The following ZBP1 variants were observed in gnomAD, a reference collection of about 807,000 sequenced individuals.
The protein encoded by ZBP1 is Z-DNA binding protein 1, also known as Z-DNA-binding protein 1.
ZBP1 carries 42 observed loss-of-function variants against 41.1 expected under a neutral mutation model. The observed-to-expected ratio is 1.02, with a 90% CI of 0.80 to 1.32. ZBP1 has a LOEUF of 1.32. Ranked by LOEUF, ZBP1 falls within the 40% of genes most tolerant of loss-of-function variation. The pLI is 0.00. For synonymous variants in ZBP1, 214 were observed against 205.2 expected (o/e 1.04, Z -0.37); for missense variants, 562 against 549.7 (o/e 1.02, Z -0.22).
Position 57,604,661 on chromosome 20 carries a change from A to G in ZBP1, c.1202T>C (p.Leu401Pro), listed in dbSNP as rs1414333562. Residue 401 changes from leucine to proline, a missense_variant, in exon 8 of 8, where the codon CTT becomes CCT. By Grantham distance (98) the Leu-to-Pro change is moderately conservative. Transcript: ENST00000371173. ...TGCAGCTTTGTGACTCCTGTTTCCA[A>G]GAGTCATAGTTTCCAGCTTGGGGGT... is the stretch of plus-strand genomic sequence containing the variant. The part of the protein sequence containing the change: ...KLTPKLETMT[L>P]GNRSHKAAEG... 6.2e-7 allele frequency: 1 copy of G among 1,614,138 alleles called. No individual in the cohort carries two copies. Among genetic ancestry groups the G allele is most frequent in the Non-Finnish European group, 8.5e-7 (1 of 1,180,022 alleles).
chr20:57,613,374 G>C lies in ZBP1; in HGVS notation c.503-44C>G, dbSNP rs1283421227. ...CTGTATCCCTTTGCCACTGTCTATGGGTCAGGGGTTCCCAATACCAGTCGG... is the reference window on the plus strand; with the variant it reads ...CTGTATCCCTTTGCCACTGTCTATGCGTCAGGGGTTCCCAATACCAGTCGG... On this transcript the variant is annotated intron_variant, in intron 4 of 7. Transcript: ENST00000371173. This position sits in a 1 kb window ranked among gnomAD's most constrained non-coding sequence, Gnocchi z 4.5. 6.3e-6 allele frequency: 10 copies of C among 1,587,454 alleles called. No homozygotes were observed. Among genetic ancestry groups the C allele is most frequent in the African/African-American group, 1.3e-5 (1 of 74,536 alleles).
In ZBP1 at chr20:57,610,823, C is replaced by T. The variant is rs761342; in HGVS notation, c.875-456G>A. 0.85 allele frequency: 162,291 copies of T among 191,728 alleles called. 69,154 individuals carry two copies. Among genetic ancestry groups the T allele is most frequent in the East Asian group, 0.99 (6,782 of 6,838 alleles). 11.9% of individuals were successfully genotyped at this position (191,728 alleles called of 1,614,324 possible). The stretch of plus-strand genomic sequence containing the variant: ...CCACACTGAGTCCCGCCCCCTCCAC[C>T]CCCGAGACCTCTTCTGCTCCCTGGC... On this transcript the variant is annotated intron_variant, in intron 6 of 7. Coordinates refer to ENST00000371173, the MANE Select transcript of ZBP1 (RefSeq NM_030776.3). This position sits in a 1 kb window ranked among gnomAD's most constrained non-coding sequence, Gnocchi z 5.5.
rs772911993 is a variant in ZBP1 at position 57,610,294 on chromosome 20, C to A, written c.948G>T (p.Gly316=). The A allele has an allele frequency of 6.2e-7, 1 of 1,614,028 alleles. No homozygotes were observed. The highest frequency in any genetic ancestry group is 8.5e-7 in the Non-Finnish European group (1 of 1,180,016). ...RIPSPGTHPE[G]EAAQRIHMKS... Reference sequence around the variant, plus strand: ...TCATGTGGATTCTCTGGGCGGCTTCCCCCTCAGGGTGAGTTCCTGGACTGG... The same window carrying A: ...TCATGTGGATTCTCTGGGCGGCTTCACCCTCAGGGTGAGTTCCTGGACTGG... Residue 316 remains glycine, a synonymous_variant, in exon 7 of 8, where the codon GGG becomes GGT. Transcript: ENST00000371173. The surrounding 1 kb of genome is among the most constrained non-coding windows in gnomAD (Gnocchi z 5.5).
In ZBP1 at chr20:57,605,147, A is replaced by G. The variant is rs537007670; in HGVS notation, c.1094-378T>C. On this transcript the variant is annotated intron_variant, in intron 7 of 7. Transcript: ENST00000371173. Reference sequence around the variant, plus strand: ...AACAAAACAAAACAAAACAAAAACCATTCCAGGCCTTACACATCTCAGGAT... The same window carrying G: ...AACAAAACAAAACAAAACAAAAACCGTTCCAGGCCTTACACATCTCAGGAT... Among the ~76,000 whole-genome samples the G allele has an allele frequency of 5.3e-5, 8 of 152,320 alleles. 1 individual carries two copies. In the South Asian group the frequency reaches 1.7e-3, roughly 32 times the overall value.
At chr20:57,614,154 C>T (rs1411159868) in intron 4 of ZBP1, among the ~76,000 whole-genome samples, 2 of 152,258 alleles carry the variant, frequency 1.3e-5, no homozygotes, top group Non-Finnish European at 1.5e-5. Flanking sequence ...CTTACCTCAG[C>T]CTCCCGAGTA....
At chr20:57,608,802 G>T (rs548552080) in intron 7 of ZBP1, among the ~76,000 whole-genome samples, 3 of 152,350 alleles carry the variant, frequency 2.0e-5, no homozygotes, top group Admixed American at 6.5e-5. Flanking sequence ...GGGGTGAGGA[G>T]ACCCTCTGGA....
chr20:57,605,681 T>G (rs2070477068), intron 7 of ZBP1, among the ~76,000 whole-genome samples: 1 of 152,142 alleles, frequency 6.6e-6, no homozygotes, highest in Admixed American at 6.5e-5. Context: ...ACACCTAGAA[T>G]CCCAACACTT....
intron 7 of ZBP1, among the ~76,000 whole-genome samples, chr20:57,609,659 A>C (rs972223534): frequency 1.3e-5 from 2 of 152,082 alleles, no homozygotes; most frequent in Non-Finnish European, 2.9e-5. Context: ...CTTGGGCTTC[A>C]AGCAGGCGGG....
chr20:57,616,846 C>T (rs1036820195), intron 1 of ZBP1: 8 of 263,044 alleles, frequency 3.0e-5, no homozygotes, highest in East Asian at 1.9e-4. Context: ...GACCTGGGAG[C>T]GCAAAGGCAA....
At position 57,604,512 on chromosome 20, in the gene ZBP1, C is replaced by A; in HGVS notation, c.*61G>T. 1 of 1,583,026 alleles carries A rather than the reference C, an allele frequency of 6.3e-7. No homozygotes were observed. The highest frequency in any genetic ancestry group is 8.7e-7 in the Non-Finnish European group (1 of 1,153,908). ...GCTAAGGAATGCAGAGAGCAGCAGG[C>A]TAGTCTCCCTAGCATGCGCCCACCC... On this transcript the variant is annotated 3_prime_UTR_variant, in exon 8 of 8. Transcript: ENST00000371173.
chr20:57,615,738 C>A, intron 2 of ZBP1, 158 bp from the exon 3 acceptor site: 4 of 604,532 alleles, frequency 6.6e-6, no homozygotes, highest in Admixed American at 3.6e-5. Context: ...ATCCTGCCTG[C>A]GCCCTGGCAG....
In ZBP1 at chr20:57,604,099, TCCTGA is replaced by T; in HGVS notation, c.*469_*473del. ...CATGTTAGCCAGGACGGTCTGGATTTCCTGACCTATTGATCCGCCCGCCTCGGCCT... is the reference window on the plus strand; with the variant it reads ...CATGTTAGCCAGGACGGTCTGGATTTCCTATTGATCCGCCCGCCTCGGCCT... On this transcript the variant is annotated 3_prime_UTR_variant, in exon 8 of 8. Transcript: ENST00000371173. 3.6e-6 allele frequency: 1 copy of T among 275,492 alleles called. No individual in the cohort carries two copies. The highest frequency in any genetic ancestry group is 7.2e-6 in the Non-Finnish European group (1 of 139,596). The allele number at this position is 275,492 out of a possible 1,614,324, so 17.1% of individuals were successfully genotyped here. A position where few individuals can be genotyped will look rare whatever the true frequency, so the allele number is the denominator to read the frequency against.
rs781480090 is a variant in ZBP1 at position 57,616,230 on chromosome 20, G to A, written c.259+14C>T. The A allele has an allele frequency of 1.9e-5, 30 of 1,613,384 alleles. No homozygotes were observed. Among genetic ancestry groups the A allele is most frequent in the South Asian group, 1.2e-4 (11 of 91,080 alleles). ...CCTGCAGGGTCAGACCCGCCTCCCCGGGGTGGCAGTTACCAGGGCTGGACA... is the reference window on the plus strand; with the variant it reads ...CCTGCAGGGTCAGACCCGCCTCCCCAGGGTGGCAGTTACCAGGGCTGGACA... On this transcript the variant is annotated intron_variant, in intron 2 of 7. Coordinates refer to ENST00000371173, the MANE Select transcript of ZBP1 (RefSeq NM_030776.3).
chr20:57,617,956 G>C (rs1404903218), intron 1 of ZBP1: 5 of 152,214 alleles, frequency 3.3e-5, no homozygotes, highest in Non-Finnish European at 7.3e-5. Context: ...TCCTTGGCCA[G>C]TTGGCAATGT....
chr20:57,615,346 C>T lies in ZBP1; in HGVS notation c.328+166G>A, dbSNP rs898548626. 2.0e-5 allele frequency among the ~76,000 whole-genome samples: 3 copies of T among 152,140 alleles called. No homozygotes were observed. The East Asian group carries it at 5.8e-4, about 29-fold the overall frequency. ...CACTGCTCAGCCATTCAGATTCTCC[C>T]ACTGTGAGGGCTGGGTCTTGGCTCT... On this transcript the variant is annotated intron_variant, in intron 3 of 7. Coordinates refer to ENST00000371173, the MANE Select transcript of ZBP1 (RefSeq NM_030776.3).
At position 57,611,942 on chromosome 20, in the gene ZBP1, C is replaced by G. The variant is rs757713404; in HGVS notation, c.671-12G>C. 6 of 1,552,408 alleles carry G rather than the reference C, an allele frequency of 3.9e-6. No individual in the cohort carries two copies. The Admixed American group carries it at 9.8e-5, about 25-fold the overall frequency. ...TGGACCGGCGGAACCTGGCAGGGGA[C>G]AGTGGCACAGCCTCACCGGAGATTA... On this transcript the variant is annotated splice_polypyrimidine_tract_variant and intron_variant, in intron 5 of 7. Coordinates refer to ENST00000371173, the MANE Select transcript of ZBP1 (RefSeq NM_030776.3).
chr20:57,610,110 G>T lies in ZBP1; in HGVS notation c.1093+39C>A. On this transcript the variant is annotated intron_variant, in intron 7 of 7. Coordinates refer to ENST00000371173, the MANE Select transcript of ZBP1 (RefSeq NM_030776.3). The surrounding 1 kb of genome is among the most constrained non-coding windows in gnomAD (Gnocchi z 5.5). ...TGAATGAGTGGAAGGTGGGGAGAGA[G>T]AGAGAACACACAGGGGTCCACTCTG... 1 of 1,566,962 alleles carries T rather than the reference G, an allele frequency of 6.4e-7. No homozygotes were observed.
At chr20:57,615,703 C>T (rs2070805300) in intron 2 of ZBP1, 123 bp from the exon 3 acceptor site, 1 of 748,356 alleles carries the variant, frequency 1.3e-6, no homozygotes, top group Non-Finnish European at 2.1e-6. Flanking sequence ...ACTCAGACTC[C>T]AGAGTTCAAC....
intron 7 of ZBP1, chr20:57,606,947 C>A: frequency 8.6e-7 from 1 of 1,168,448 alleles, no homozygotes; most frequent in Non-Finnish European, 1.1e-6. Flanking sequence ...TGCACCTGTT[C>A]ATCCACGGGC....
Sources: allele counts gnomAD v4.1 joint callset (sites outside exome capture counted in the v4.1 genomes callset), GRCh38; gene constraint gnomAD v4.1.1; non-coding constraint Gnocchi (gnomAD v3.1); transcripts MANE v1.5; gene names NCBI Gene and HGNC (gene_info 2026-07-23, HGNC 2026-07-21).